Variants in TMEM59 observed in about 807,000 individuals in gnomAD.
TMEM59 encodes the protein transmembrane protein 59.
A neutral mutation model predicts 42.2 loss-of-function variants in TMEM59; 44 were observed. That is an observed-to-expected ratio of 1.04 (90% CI 0.82 to 1.34). The LOEUF (loss-of-function observed/expected upper bound fraction) is 1.34. Ranked by LOEUF, TMEM59 falls within the 40% of genes most tolerant of loss-of-function variation. The pLI, the probability that TMEM59 is intolerant of heterozygous loss-of-function variation, is 0.00. For missense variants in TMEM59, 359 were observed against 382.8 expected, an observed-to-expected ratio of 0.94 and a Z score of 0.52; for synonymous variants, 148 against 145.8, an observed-to-expected ratio of 1.02 and a Z score of -0.11.
chr1:54,053,215 AG>A (rs1460754811), upstream of TMEM59: 1 of 1,608,476 alleles, frequency 6.2e-7, no homozygotes, highest in Admixed American at 1.7e-5. Flanking sequence ...ACAGCAGCTC[AG>A]CTTGTTGCTG....
chr1:54,033,271 T>C (rs1005606064), intron 7 of TMEM59: 2 of 152,092 alleles, frequency 1.3e-5, no homozygotes, highest in Non-Finnish European at 2.9e-5. Context: ...TATGTATCTC[T>C]TAAAGGCAGA....
chr1:54,053,262 AG>A, upstream of TMEM59: 1 of 1,547,656 alleles, frequency 6.5e-7, no homozygotes, highest in Admixed American at 1.8e-5. Flanking sequence ...TCCTGGGGCC[AG>A]CCCCCTTCTC....
chr1:54,037,312 T>G (rs1439766265), intron 6 of TMEM59, among the ~76,000 whole-genome samples: 2 of 152,254 alleles, frequency 1.3e-5, no homozygotes, highest in Non-Finnish European at 2.9e-5. Flanking sequence ...GATAGTTATA[T>G]TTTCCTTATA....
intron 1 of TMEM59, among the ~76,000 whole-genome samples, chr1:54,052,229 A>G (rs569821287): frequency 2.6e-5 from 4 of 152,194 alleles, no homozygotes; most frequent in Non-Finnish European, 4.4e-5. Context: ...ACCAACGTGA[A>G]GAGGGTTAGG....
At chr1:54,039,252 C>T (rs1017467628) in intron 6 of TMEM59, among the ~76,000 whole-genome samples, 1 of 151,944 alleles carries the variant, frequency 6.6e-6, no homozygotes, top group African/African-American at 2.4e-5. Context: ...AAGTTAGTTG[C>T]TTCACAAAAT....
In TMEM59 at chr1:54,036,722, G is replaced by GAAA; in HGVS notation, c.708-7_708-5dup. Reference sequence around the variant, plus strand: ...AGTTAAAATCCACCCAGAGTTACTGGAAAAAAAAAATCAACAATTAGTTAT... The same window carrying GAAA: ...AGTTAAAATCCACCCAGAGTTACTGGAAAAAAAAAAAAATCAACAATTAGTTAT... On this transcript the variant is annotated splice_region_variant and splice_polypyrimidine_tract_variant and intron_variant, in intron 6 of 7. Coordinates refer to ENST00000234831, the MANE Select transcript of TMEM59 (RefSeq NM_004872.5). 1 of 1,467,560 alleles carries GAAA rather than the reference G, an allele frequency of 6.8e-7. No homozygotes were observed. Among genetic ancestry groups the GAAA allele is most frequent in the South Asian group, 1.4e-5 (1 of 72,964 alleles). The allele number at this position is 1,467,560 out of a possible 1,614,324, so 90.9% of individuals were successfully genotyped here.
intron 3 of TMEM59, 90 bp downstream of exon 3, chr1:54,045,602 A>C: frequency 7.9e-7 from 1 of 1,268,930 alleles, no homozygotes; most frequent in Non-Finnish European, 1.1e-6. Flanking sequence ...TATAACACTA[A>C]AATAGGATCA....
chr1:54,033,244 G>A (rs1361595015), intron 7 of TMEM59: 2 of 151,554 alleles, frequency 1.3e-5, no homozygotes, highest in African/African-American at 4.9e-5. Flanking sequence ...ACATGTGTGA[G>A]CCACTAGGCC....
chr1:54,035,444 A>T (rs1429870014), intron 7 of TMEM59, among the ~76,000 whole-genome samples: 1 of 152,214 alleles, frequency 6.6e-6, no homozygotes, highest in Non-Finnish European at 1.5e-5. Context: ...TTGAAAGCTA[A>T]GTTGAATAAT....
At chr1:54,053,429 A>G (rs1208266988), upstream of TMEM59, 7 of 540,958 alleles carry the variant, frequency 1.3e-5, no homozygotes, top group Non-Finnish European at 2.3e-5. Flanking sequence ...GTTAGCGCGA[A>G]GCGGGGCCTC....
intron 7 of TMEM59, chr1:54,034,178 G>C (rs1656868085): frequency 6.7e-6 from 1 of 150,106 alleles, no homozygotes; most frequent in Admixed American, 6.6e-5. Context: ...GATGAACCTT[G>C]AAAATATGCT....
chr1:54,043,392 C>T lies in TMEM59; in HGVS notation c.524G>A (p.Gly175Glu). ...SWTFYLQADD[G>E]KIVIFQSKPE... ...TGTCACCTGGAATATAACTATTTTT[C>T]CGTCATCGGCTTGAAGATAAAAAGT... Residue 175 changes from glycine to glutamate, a missense_variant, in exon 4 of 8, where the codon GGA becomes GAA. Physicochemically the swap from Gly to Glu is moderately conservative, Grantham distance 98. Coordinates refer to ENST00000234831, the MANE Select transcript of TMEM59 (RefSeq NM_004872.5). 1 of 1,549,218 alleles carries T rather than the reference C, an allele frequency of 6.5e-7. No homozygotes were observed. Among genetic ancestry groups the T allele is most frequent in the African/African-American group, 1.4e-5 (1 of 72,334 alleles).
rs746683413 is a variant in TMEM59 at position 54,047,279 on chromosome 1, C to A, written c.283G>T (p.Glu95Ter). The A allele has an allele frequency of 1.9e-6, 3 of 1,613,248 alleles. No individual in the cohort carries two copies. The highest frequency in any genetic ancestry group is 2.5e-6 in the Non-Finnish European group (3 of 1,179,744). ...DGIDLNRTKL[E>*]CESACTEAYS... ...CATAGCATCTTACCAGATTCACATT[C>A]CAATTTAGTTCGATTTAAGTCAATT... The change falls in exon 2 of 8, where the codon GAA becomes TAA. Residue 95 changes from glutamate to a stop codon, truncating the protein, a stop_gained. Transcript: ENST00000234831. LOFTEE classifies it high-confidence loss of function.
chr1:54,032,242 A>C lies in TMEM59; in HGVS notation c.880T>G (p.Ser294Ala). The C allele has an allele frequency of 5.0e-6, 8 of 1,613,240 alleles. No individual in the cohort carries two copies. Among genetic ancestry groups the C allele is most frequent in the Non-Finnish European group, 5.9e-6 (7 of 1,179,572 alleles). Reference protein sequence around the residue: ...NEQKLNRYPASSLVVVRSKTE... With the variant: ...NEQKLNRYPAASLVVVRSKTE... ...TTAGATCTAACAACCACAAGAGAAGAAGCTGGATATCTGTTTAGCTTTTGT... is the reference window on the plus strand; with the variant it reads ...TTAGATCTAACAACCACAAGAGAAGCAGCTGGATATCTGTTTAGCTTTTGT... The change falls in exon 8 of 8, where the codon TCT becomes GCT. Residue 294 changes from serine to alanine, a missense_variant. Transcript: ENST00000234831.
At chr1:54,051,040 A>G (rs925088711) in intron 1 of TMEM59, among the ~76,000 whole-genome samples, 1 of 150,180 alleles carries the variant, frequency 6.7e-6, no homozygotes, top group African/African-American at 2.5e-5. Flanking sequence ...TTTTTTCCAG[A>G]GACGGGGTCT....
intron 6 of TMEM59, among the ~76,000 whole-genome samples, chr1:54,037,264 A>G (rs1331555543): frequency 6.6e-6 from 1 of 152,252 alleles, no homozygotes; most frequent in Non-Finnish European, 1.5e-5. Context: ...AGCTATTATA[A>G]GGCATTCTGT....
rs1656784736 is a variant in TMEM59, at chr1:54,032,188, G to C, written c.934C>G (p.Leu312Val). 3 of 1,612,966 alleles carry C rather than the reference G, an allele frequency of 1.9e-6. No homozygotes were observed. The highest frequency in any genetic ancestry group is 4.5e-5 in the East Asian group (2 of 44,788). The change falls in exon 8 of 8, where the codon CTA becomes GTA. Residue 312 changes from leucine to valine, a missense_variant. By Grantham distance (32) the Leu-to-Val change is conservative. Transcript: ENST00000234831. ...KTEDHEEAGPLPTKVNLAHSE... is the reference protein window; with the variant it reads ...KTEDHEEAGPVPTKVNLAHSE... ...TGAGCAAGATTCACTTTTGTAGGTA[G>C]AGGCCCTGCTTCTTCATGATCTTCA...
chr1:54,045,993 C>G (rs181393778), intron 2 of TMEM59, among the ~76,000 whole-genome samples: 8 of 152,162 alleles, frequency 5.3e-5, no homozygotes, highest in Non-Finnish European at 8.8e-5. Context: ...GTTTTAGATA[C>G]AAATCTATTA....
intron 5 of TMEM59, 53 bp downstream of exon 5, chr1:54,041,671 A>G: frequency 6.9e-7 from 1 of 1,445,348 alleles, no homozygotes; most frequent in Non-Finnish European, 9.7e-7. Flanking sequence ...ACTCTACTAC[A>G]ACCAGATTTG....
Sources: allele counts gnomAD v4.1 joint callset (sites outside exome capture counted in the v4.1 genomes callset), GRCh38; gene constraint gnomAD v4.1.1; transcripts MANE v1.5; gene names NCBI Gene and HGNC (gene_info 2026-07-23, HGNC 2026-07-21).